Variants in FBXL7 observed in about 807,000 individuals in gnomAD.
FBXL7 encodes the protein F-box/LRR-repeat protein 7.
In FBXL7, 12 loss-of-function variants were observed where a neutral mutation model predicts 38.3. The observed-to-expected ratio is 0.31, with a 90% CI of 0.20 to 0.51. FBXL7 has a LOEUF of 0.51. Ranked by LOEUF, FBXL7 falls within the 20% of genes least tolerant of loss-of-function variation. The pLI, the probability that FBXL7 is intolerant of heterozygous loss-of-function variation, is 0.98. For synonymous variants in FBXL7, 297 were observed against 300.9 expected, an observed-to-expected ratio of 0.99 and a Z score of 0.13; for missense variants, 567 against 676.4, an observed-to-expected ratio of 0.84 and a Z score of 1.79.
At chr5:15,794,989 C>G (rs189444961) in intron 2 of FBXL7, among the ~76,000 whole-genome samples, 1 of 152,140 alleles carries the variant, frequency 6.6e-6, no homozygotes, top group Non-Finnish European at 1.5e-5. Context: ...AGTGTGATGC[C>G]TTAGCATGAA....
intron 2 of FBXL7, among the ~76,000 whole-genome samples, chr5:15,761,211 A>G (rs1736431191): frequency 6.6e-6 from 1 of 152,188 alleles, no homozygotes; most frequent in Non-Finnish European, 1.5e-5. Flanking sequence ...AGCATTGCTT[A>G]CTAAGTAATC....
intron 2 of FBXL7, among the ~76,000 whole-genome samples, chr5:15,784,813 C>T (rs773321764): frequency 6.6e-6 from 1 of 152,166 alleles, no homozygotes; most frequent in Admixed American, 6.5e-5. Flanking sequence ...GCCAATTAAA[C>T]CTCTTCTTTA....
intron 2 of FBXL7, among the ~76,000 whole-genome samples, chr5:15,628,472 T>G (rs1740890035): frequency 6.6e-6 from 1 of 152,188 alleles, no homozygotes; most frequent in African/African-American, 2.4e-5. Context: ...TCTATGAAAC[T>G]CACAACATGC....
intron 1 of FBXL7, among the ~76,000 whole-genome samples, chr5:15,529,478 T>C (rs1011804885): frequency 6.6e-6 from 1 of 151,844 alleles, no homozygotes; most frequent in Non-Finnish European, 1.5e-5. Context: ...CTCTGCCCCC[T>C]GGGTTCACGG....
At chr5:15,728,040 T>A (rs1735461392) in intron 2 of FBXL7, among the ~76,000 whole-genome samples, 2 of 152,322 alleles carry the variant, frequency 1.3e-5, no homozygotes, top group South Asian at 4.1e-4. Context: ...TCATTTCACT[T>A]ATTGTACTTT....
At chr5:15,501,197 G>A (rs1736477071) in intron 1 of FBXL7, among the ~76,000 whole-genome samples, 1 of 152,100 alleles carries the variant, frequency 6.6e-6, no homozygotes, top group East Asian at 1.9e-4. Flanking sequence ...ACAGCTTCAT[G>A]AAACTAAGCA....
chr5:15,580,339 A>G (rs1739097523), intron 1 of FBXL7, among the ~76,000 whole-genome samples: 1 of 152,280 alleles, frequency 6.6e-6, no homozygotes, highest in Middle Eastern at 3.4e-3. Flanking sequence ...GTATTTTGTT[A>G]TAGCCCAAGT....
intron 2 of FBXL7, among the ~76,000 whole-genome samples, chr5:15,732,745 A>T (rs1355960325): frequency 2.6e-5 from 4 of 152,208 alleles, no homozygotes; most frequent in Admixed American, 2.6e-4. Flanking sequence ...ATTTATTTTC[A>T]TGGGCAATTT....
chr5:15,704,974 A>C (rs1443333132), intron 2 of FBXL7, among the ~76,000 whole-genome samples: 1 of 151,754 alleles, frequency 6.6e-6, no homozygotes, highest in Non-Finnish European at 1.5e-5. Flanking sequence ...AGGTAAAAAA[A>C]AAAAAATTAA....
chr5:15,723,026 A>G (rs1327489770), intron 2 of FBXL7, among the ~76,000 whole-genome samples: 9 of 152,186 alleles, frequency 5.9e-5, no homozygotes, highest in Admixed American at 3.3e-4. Flanking sequence ...ATCACATACT[A>G]TAAAGTAATG....
Position 15,929,867 on chromosome 5 carries a change from C to T in FBXL7, c.739+1366C>T, listed in dbSNP as rs56705466. On this transcript the variant is annotated intron_variant, in intron 3 of 3. Coordinates refer to ENST00000504595, the MANE Select transcript of FBXL7 (RefSeq NM_012304.5). ...AAACCAACAGCACGACCAGCAACCT[C>T]AGGGAGTTTGGGGGAGGGGTCAAGA... is the stretch of plus-strand genomic sequence containing the variant. 7.2e-3 allele frequency among the ~76,000 whole-genome samples: 1,093 copies of T among 152,182 alleles called. 9 individuals carry two copies. Among genetic ancestry groups the T allele is most frequent in the African/African-American group, 0.024 (1,012 of 41,534 alleles).
chr5:15,659,785 TC>T (rs745780108), intron 2 of FBXL7, among the ~76,000 whole-genome samples: 1 of 152,164 alleles, frequency 6.6e-6, no homozygotes, highest in Non-Finnish European at 1.5e-5. Context: ...AAGGAAAACA[TC>T]CAATGACAAT....
chr5:15,812,680 A>T (rs1737898661), intron 2 of FBXL7, among the ~76,000 whole-genome samples: 1 of 152,118 alleles, frequency 6.6e-6, no homozygotes, highest in African/African-American at 2.4e-5. Flanking sequence ...TGTCAGTGGT[A>T]CCTTGATGGG....
chr5:15,502,405 G>T (rs1736520902), intron 1 of FBXL7, among the ~76,000 whole-genome samples: 1 of 152,120 alleles, frequency 6.6e-6, no homozygotes, highest in African/African-American at 2.4e-5. Flanking sequence ...GAGAGACAGG[G>T]AACTAATGTT....
chr5:15,628,189 G>A (rs1356952379), intron 2 of FBXL7, among the ~76,000 whole-genome samples: 2 of 152,144 alleles, frequency 1.3e-5, no homozygotes, highest in African/African-American at 4.8e-5. Flanking sequence ...ATGGGGTGGG[G>A]CATCTGGTAC....
At chr5:15,854,729 G>A (rs530670349) in intron 2 of FBXL7, among the ~76,000 whole-genome samples, 7 of 152,050 alleles carry the variant, frequency 4.6e-5, no homozygotes, top group East Asian at 1.9e-4. Context: ...TGGCTGAAGC[G>A]AGTGACAAAC....
intron 2 of FBXL7, among the ~76,000 whole-genome samples, chr5:15,846,470 G>A (rs1172453067): frequency 6.6e-6 from 1 of 152,186 alleles, no homozygotes; most frequent in East Asian, 1.9e-4. Flanking sequence ...GAATCAGGTA[G>A]CTCCAAGCCA....
At chr5:15,750,034 C>T (rs1452085003) in intron 2 of FBXL7, among the ~76,000 whole-genome samples, 1 of 152,158 alleles carries the variant, frequency 6.6e-6, no homozygotes, top group African/African-American at 2.4e-5. Flanking sequence ...TATGCTTCAG[C>T]CTGGCTTGAG....
At chr5:15,623,263 G>T (rs906965776) in intron 2 of FBXL7, among the ~76,000 whole-genome samples, 2 of 152,142 alleles carry the variant, frequency 1.3e-5, no homozygotes, top group African/African-American at 4.8e-5. Flanking sequence ...GTAGGTAAAA[G>T]ATTCTTAACT....
Sources: allele counts gnomAD v4.1 joint callset (sites outside exome capture counted in the v4.1 genomes callset), GRCh38; gene constraint gnomAD v4.1.1; transcripts MANE v1.5; gene names NCBI Gene and HGNC (gene_info 2026-07-23, HGNC 2026-07-21).